The following NRG1 variants were observed in gnomAD, a reference collection of about 807,000 sequenced individuals.
NRG1 encodes the protein neuregulin 1.
In NRG1, 18 loss-of-function variants were observed where a neutral mutation model predicts 63.8. The observed-to-expected ratio is 0.28, with a 90% CI of 0.19 to 0.42. The LOEUF (loss-of-function observed/expected upper bound fraction) is 0.42. Ranked by LOEUF, NRG1 falls within the 10% of genes least tolerant of loss-of-function variation. The pLI, the probability that NRG1 is intolerant of heterozygous loss-of-function variation, is 1.00. For synonymous variants in NRG1, 302 were observed against 301.3 expected (o/e 1.00, Z -0.02); for missense variants, 762 against 814.7 (o/e 0.94, Z 0.79).
chr8:32,007,053 TC>T (rs1467060507), intron 1 of NRG1, among the ~76,000 whole-genome samples: 3 of 152,042 alleles, frequency 2.0e-5, no homozygotes, highest in Admixed American at 6.6e-5. Flanking sequence ...TTTCCTCACA[TC>T]CCACTGACAT....
At chr8:32,076,630 T>C (rs1051867811) in intron 1 of NRG1, among the ~76,000 whole-genome samples, 3 of 151,794 alleles carry the variant, frequency 2.0e-5, no homozygotes. Flanking sequence ...CTAGGCTTAA[T>C]ACCTGGGTGA....
chr8:32,591,858 C>T (rs764136505), intron 1 of NRG1, among the ~76,000 whole-genome samples: 6 of 151,818 alleles, frequency 4.0e-5, no homozygotes, highest in Non-Finnish European at 2.9e-5. Context: ...ATTACTTGGA[C>T]GATGAAATCA....
At chr8:32,446,999 T>TCTTATTTATTTA (rs5890651) in intron 1 of NRG1, among the ~76,000 whole-genome samples, 1 of 146,344 alleles carries the variant, frequency 6.8e-6, no homozygotes, top group African/African-American at 2.5e-5. Context: ...CTAAAATACT[T>TCTTATTTATTTA]TTTATTTATT....
At chr8:31,776,094 G>C (rs559329083) in intron 1 of NRG1, among the ~76,000 whole-genome samples, 18 of 152,188 alleles carry the variant, frequency 1.2e-4, no homozygotes, top group African/African-American at 4.1e-4. Flanking sequence ...AGCTGTTTCT[G>C]AGCACTGACT....
At chr8:32,100,644 A>G (rs1004932909) in intron 1 of NRG1, among the ~76,000 whole-genome samples, 37 of 152,168 alleles carry the variant, frequency 2.4e-4, no homozygotes, top group African/African-American at 8.7e-4. Flanking sequence ...TATTAAATAT[A>G]AGAAAGTGGA....
chr8:32,725,667 G>A lies in NRG1; in HGVS notation c.503-2282G>A, dbSNP rs1821970356. Reference sequence around the variant, plus strand: ...ATTTTTGTATTTTTAGTAGAGACGGGGTTTCACCATGTTGGTCAGGCTGGT... The same window carrying A: ...ATTTTTGTATTTTTAGTAGAGACGGAGTTTCACCATGTTGGTCAGGCTGGT... On this transcript the variant is annotated intron_variant, in intron 5 of 11. Transcript: ENST00000356819. 6.0e-5 allele frequency among the ~76,000 whole-genome samples: 9 copies of A among 151,174 alleles called. No homozygotes were observed. In the South Asian group the frequency reaches 1.9e-3, roughly 32 times the overall value.
At chr8:32,767,673 A>G (rs1487796985) in exon 12 of NRG1, 1 of 152,060 alleles carries the variant, frequency 6.6e-6, no homozygotes, top group Non-Finnish European at 1.5e-5. Flanking sequence ...AGTTGTTTTC[A>G]TATAAGTTTA....
chr8:32,518,980 T>C (rs925327957), intron 1 of NRG1, among the ~76,000 whole-genome samples: 4 of 152,326 alleles, frequency 2.6e-5, no homozygotes, highest in Admixed American at 2.6e-4. Context: ...GCTACTTTAA[T>C]GTTGTAGCAT....
intron 1 of NRG1, among the ~76,000 whole-genome samples, chr8:32,060,706 T>TTGTTTTCAGTCATATC (rs1219554492): frequency 6.6e-6 from 1 of 151,936 alleles, no homozygotes; most frequent in African/African-American, 2.4e-5. Context: ...ACATTGGGTT[T>TTGTTTTCAGTCATATC]TGTTTTCAGT....
At chr8:32,492,998 A>C (rs1283289490) in intron 1 of NRG1, among the ~76,000 whole-genome samples, 1 of 152,134 alleles carries the variant, frequency 6.6e-6, no homozygotes, top group Non-Finnish European at 1.5e-5. Context: ...ATTAACACAG[A>C]GCTTTTCCAT....
At chr8:31,953,651 T>C (rs1009653167) in intron 1 of NRG1, among the ~76,000 whole-genome samples, 2 of 152,202 alleles carry the variant, frequency 1.3e-5, no homozygotes, top group Non-Finnish European at 2.9e-5. Context: ...TACTTGGCAA[T>C]ATATAAATAG....
intron 5 of NRG1, among the ~76,000 whole-genome samples, chr8:32,691,277 C>T (rs2128936716): frequency 6.6e-6 from 1 of 152,210 alleles, no homozygotes; most frequent in East Asian, 1.9e-4. Context: ...TCTCTTGAAC[C>T]AGGAATGGGA....
Position 32,548,304 on chromosome 8 carries a change from T to G in NRG1, c.-423T>G. ...CAATTGAAAAAGAGCCGGCGAGGAG[T>G]TCCCCGAAACTTGTTGGAACTCCGG... On this transcript the variant is annotated 5_prime_UTR_variant, in exon 1 of 12. Transcript: ENST00000356819. 1.0e-6 allele frequency: 1 copy of G among 990,680 alleles called. No homozygotes were observed. Among genetic ancestry groups the G allele is most frequent in the Non-Finnish European group, 1.2e-6 (1 of 833,690 alleles). The allele number at this position is 990,680 out of a possible 1,614,324, so 61.4% of individuals were successfully genotyped here.
At chr8:31,840,497 T>A (rs991446566) in intron 1 of NRG1, among the ~76,000 whole-genome samples, 3 of 152,080 alleles carry the variant, frequency 2.0e-5, no homozygotes, top group African/African-American at 7.2e-5. Flanking sequence ...TTGTCTCTCA[T>A]GTTTTTATCC....
chr8:32,306,207 C>T (rs1487461146), intron 1 of NRG1, among the ~76,000 whole-genome samples: 1 of 152,102 alleles, frequency 6.6e-6, no homozygotes, highest in South Asian at 2.1e-4. Context: ...TGTCTGTCAC[C>T]AATGTGAATT....
At chr8:32,382,755 G>C (rs1023293032) in intron 1 of NRG1, among the ~76,000 whole-genome samples, 2 of 152,110 alleles carry the variant, frequency 1.3e-5, no homozygotes, top group African/African-American at 4.8e-5. Flanking sequence ...AGAAGTGTAA[G>C]ATATGACTTC....
intron 1 of NRG1, among the ~76,000 whole-genome samples, chr8:31,966,089 C>T (rs1156790578): frequency 3.9e-5 from 6 of 151,984 alleles, no homozygotes; most frequent in Non-Finnish European, 7.4e-5. Context: ...CAAACATGCA[C>T]ATGTACTCCC....
intron 1 of NRG1, among the ~76,000 whole-genome samples, chr8:32,006,850 C>A (rs544069706): frequency 6.6e-6 from 1 of 152,164 alleles, no homozygotes; most frequent in Admixed American, 6.6e-5. Context: ...CCAAACCTAG[C>A]TAAGCTGGCC....
chr8:32,338,259 T>C (rs1355728850), intron 1 of NRG1, among the ~76,000 whole-genome samples: 2 of 152,204 alleles, frequency 1.3e-5, no homozygotes, highest in East Asian at 1.9e-4. Context: ...CTAAGTTGCA[T>C]TGCAGTTATC....
Sources: gnomAD v4.1 joint callset for allele counts (sites outside exome capture counted in the v4.1 genomes callset) on GRCh38, gnomAD v4.1.1 for gene constraint, MANE v1.5 for transcripts, NCBI Gene and HGNC (gene_info 2026-07-23, HGNC 2026-07-21) for gene names.